URB1: variants seen among roughly 807,000 people sequenced by gnomAD.
URB1 encodes the protein nucleolar pre-ribosomal-associated protein 1.
In URB1, 197 loss-of-function variants were observed where a neutral mutation model predicts 242.3. The ratio of observed to expected loss-of-function variants is 0.81; its 90% CI spans 0.72 to 0.91. URB1 has a LOEUF of 0.91. URB1 is among the 40% of genes least tolerant of loss of function. The pLI is 0.00. For synonymous variants in URB1, 1,153 were observed against 1,201.8 expected (o/e 0.96, Z 0.84); for missense variants, 2,721 against 2,860.5 (o/e 0.95, Z 1.11).
In URB1 at chr21:32,361,910, A is replaced by G; in HGVS notation, c.1621T>C (p.Cys541Arg). The G allele has an allele frequency of 6.4e-7, 1 of 1,551,310 alleles. No individual in the cohort carries two copies. Among genetic ancestry groups the G allele is most frequent in the Non-Finnish European group, 8.7e-7 (1 of 1,146,816 alleles). ...QKRSDGPPAA[C>R]DAHQCDDAET... ...ACCTTACCGCACTGGTGAGCATCGCAGGCAGCCGGGGGCCCATCGCTCCTT... is the reference window on the plus strand; with the variant it reads ...ACCTTACCGCACTGGTGAGCATCGCGGGCAGCCGGGGGCCCATCGCTCCTT... The change falls in exon 12 of 39, where the codon TGC becomes CGC. Residue 541 changes from cysteine (C) to arginine (R), a missense_variant. Coordinates refer to ENST00000382751, the MANE Select transcript of URB1 (RefSeq NM_014825.3).
intron 32 of URB1, among the ~76,000 whole-genome samples, chr21:32,324,069 C>A (rs1436419687): frequency 6.6e-6 from 1 of 152,190 alleles, no homozygotes; most frequent in African/African-American, 2.4e-5. Context: ...ATGGGGAAGT[C>A]CAGGACCGTC....
chr21:32,334,355 A>G (rs2032931674), intron 28 of URB1, 21 bp from the exon 29 acceptor site: 1 of 1,532,364 alleles, frequency 6.5e-7, no homozygotes, highest in Non-Finnish European at 8.8e-7. Flanking sequence ...AAAAGGGAAA[A>G]GAGACTGGTC....
At position 32,312,681 on chromosome 21, in the gene URB1, C is replaced by T. The variant is rs1029869525; in HGVS notation, c.*2237G>A. On this transcript the variant is annotated 3_prime_UTR_variant, in exon 39 of 39. Transcript: ENST00000382751. ...GTCTTCTGGATGTGACTTTATGTGA[C>T]AGTGGATCTGGGACCCTTGAAAGAT... 1 of 157,250 alleles carries T rather than the reference C, an allele frequency of 6.4e-6. No homozygotes were observed. The highest frequency in any genetic ancestry group is 1.4e-5 in the Non-Finnish European group (1 of 70,748). The allele number at this position is 157,250 out of a possible 1,614,324, so 9.7% of individuals were successfully genotyped here.
At chr21:32,392,696 G>C (rs1011525336) in intron 1 of URB1, 73 bp downstream of exon 1, 57 of 1,355,116 alleles carry the variant, frequency 4.2e-5, no homozygotes, top group Non-Finnish European at 5.2e-5. Context: ...AGAAAGGAGA[G>C]GCTGTGCCCG....
At chr21:32,353,279 GGCCATAACAC>G in intron 18 of URB1, among the ~76,000 whole-genome samples, 1 of 152,112 alleles carries the variant, frequency 6.6e-6, no homozygotes, top group Non-Finnish European at 1.5e-5. Context: ...GTCACTTCCA[GGCCATAACAC>G]CCCTTGCTTG....
chr21:32,341,483 G>A lies in URB1; in HGVS notation c.4299C>T (p.Phe1433=), dbSNP rs780518389. 2.9e-5 allele frequency: 45 copies of A among 1,551,370 alleles called. No individual in the cohort carries two copies. Among genetic ancestry groups the A allele is most frequent in the Admixed American group, 1.8e-4 (9 of 50,976 alleles). ...CAACTTACTTGAGTCCCTTCTTCAC[G>A]AATTTCTGCCAGTCACCAGGATCAA... ...NEVDPGDWQK[F]VKKGLKFRYQ... The change falls in exon 25 of 39, where the codon TTC becomes TTT. Residue 1433 remains phenylalanine (F), a synonymous_variant. Transcript: ENST00000382751.
At chr21:32,326,498 T>G (rs187303472) in intron 30 of URB1, among the ~76,000 whole-genome samples, 1 of 152,278 alleles carries the variant, frequency 6.6e-6, no homozygotes, top group Non-Finnish European at 1.5e-5. Flanking sequence ...GAAAAATGCA[T>G]TGGATGGTGA....
In URB1 at chr21:32,352,897, A is replaced by G; in HGVS notation, c.2426T>C (p.Val809Ala). Reference sequence around the variant, plus strand: ...CAGCACTGCCGTCAGATATGTCACAACGTTTTCCGCTGCAAAGGAACGAGA... The same window carrying G: ...CAGCACTGCCGTCAGATATGTCACAGCGTTTTCCGCTGCAAAGGAACGAGA... The part of the protein sequence containing the change: ...LGTGNEAAEN[V>A]VTYLTAVLTD... The change falls in exon 19 of 39, where the codon GTT becomes GCT. Residue 809 changes from valine (V) to alanine (A), a missense_variant. Val to Ala is a moderately conservative substitution (Grantham distance 64, BLOSUM62 0). Transcript: ENST00000382751. 2 of 1,546,552 alleles carry G rather than the reference A, an allele frequency of 1.3e-6. No individual in the cohort carries two copies. The highest frequency in any genetic ancestry group is 2.4e-5 in the East Asian group (1 of 40,850).
Position 32,313,769 on chromosome 21 carries a change from G to A in URB1, c.*1149C>T, listed in dbSNP as rs1038584291. The A allele has an allele frequency of 2.6e-5, 4 of 152,232 alleles. No individual in the cohort carries two copies. The highest frequency in any genetic ancestry group is 9.7e-5 in the African/African-American group (4 of 41,440). 9.4% of individuals were successfully genotyped at this position (152,232 alleles called of 1,614,324 possible). On this transcript the variant is annotated 3_prime_UTR_variant, in exon 39 of 39. Transcript: ENST00000382751. ...GATCCCAAGAGCCCCAGGCATGCAGGAGAGTTTTAAAGGAACAGACGGAAA... is the reference window on the plus strand; with the variant it reads ...GATCCCAAGAGCCCCAGGCATGCAGAAGAGTTTTAAAGGAACAGACGGAAA...
At chr21:32,329,169 G>A (rs776595378) in intron 30 of URB1, among the ~76,000 whole-genome samples, 3 of 152,044 alleles carry the variant, frequency 2.0e-5, no homozygotes, top group Non-Finnish European at 4.4e-5. Context: ...TCAGGAGGCT[G>A]AGGCAGGAGG....
rs1202617474 is a variant in URB1, at chr21:32,361,971, C to CT, written c.1559dup (p.Gln521AlafsTer7). 6.4e-7 allele frequency: 1 copy of CT among 1,551,478 alleles called. No homozygotes were observed. Among genetic ancestry groups the CT allele is most frequent in the Non-Finnish European group, 8.7e-7 (1 of 1,146,914 alleles). On this transcript the variant is annotated frameshift_variant, in exon 12 of 39. Coordinates refer to ENST00000382751, the MANE Select transcript of URB1 (RefSeq NM_014825.3). LOFTEE classifies it high-confidence loss of function. ...TCTTGTCATCCTGTTTGGTCTCTTG[C>CT]TTTTTAAGTGACTGCCAGACCCACA...
In URB1 at chr21:32,363,414, C is replaced by T. The variant is rs1279708150; in HGVS notation, c.1336-85G>A. The T allele has an allele frequency of 8.3e-6, 12 of 1,445,008 alleles. No homozygotes were observed. The East Asian group carries it at 2.7e-4, about 33-fold the overall frequency. The allele number at this position is 1,445,008 out of a possible 1,614,324, so 89.5% of individuals were successfully genotyped here. On this transcript the variant is annotated intron_variant, in intron 10 of 38. Transcript: ENST00000382751. ...ATGGGCTTGGCTGGCATTTGCCCCT[C>T]CTCAGGTCACTCACAGGGAAAGCTG...
intron 32 of URB1, among the ~76,000 whole-genome samples, chr21:32,324,178 A>G (rs1041928341): frequency 6.6e-6 from 1 of 152,168 alleles, no homozygotes; most frequent in African/African-American, 2.4e-5. Context: ...ACAGTTTCCT[A>G]TAACTACAAG....
intron 30 of URB1, among the ~76,000 whole-genome samples, chr21:32,329,593 G>A (rs750808340): frequency 6.6e-6 from 1 of 152,192 alleles, no homozygotes; most frequent in African/African-American, 2.4e-5. Context: ...AACAGCCTTG[G>A]CTGGCCCTGT....
intron 19 of URB1, among the ~76,000 whole-genome samples, chr21:32,351,388 A>G (rs1409757125): frequency 2.0e-5 from 3 of 152,234 alleles, no homozygotes. Flanking sequence ...AAATTTCTGG[A>G]GCCCTTCTGC....
At chr21:32,370,454 T>C (rs1467024406) in intron 8 of URB1, among the ~76,000 whole-genome samples, 1 of 152,188 alleles carries the variant, frequency 6.6e-6, no homozygotes, top group African/African-American at 2.4e-5. Flanking sequence ...CTAAAAATAC[T>C]ACACATGCTT....
Position 32,322,571 on chromosome 21 carries a change from G to T in URB1, c.5247C>A (p.Tyr1749Ter). ...ACAGCAGGAAGTTGCTGACCTTCAG[G>T]TACATGTGCTCCTCTGAGAACACAG... The part of the protein sequence containing the change: ...LQILKPEEHM[Y>*]LKVSNFLLSH... Residue 1749 changes from tyrosine (Y) to a stop codon, truncating the protein, a stop_gained, in exon 33 of 39, where the codon TAC becomes TAA. Coordinates refer to ENST00000382751, the MANE Select transcript of URB1 (RefSeq NM_014825.3). LOFTEE classifies it high-confidence loss of function. The T allele has an allele frequency of 6.4e-7, 1 of 1,551,766 alleles. No homozygotes were observed. Among genetic ancestry groups the T allele is most frequent in the Non-Finnish European group, 8.7e-7 (1 of 1,146,970 alleles).
chr21:32,360,559 C>G (rs1355692658), intron 13 of URB1, among the ~76,000 whole-genome samples: 5 of 152,166 alleles, frequency 3.3e-5, no homozygotes, highest in Non-Finnish European at 5.9e-5. Context: ...GAAACATGAC[C>G]AGACAAGCAT....
At chr21:32,327,333 G>A (rs2032841303) in intron 30 of URB1, among the ~76,000 whole-genome samples, 1 of 152,026 alleles carries the variant, frequency 6.6e-6, no homozygotes, top group South Asian at 2.1e-4. Flanking sequence ...CTTCTTTAAA[G>A]TACTGTAAGA....
Sources: allele counts gnomAD v4.1 joint callset (sites outside exome capture counted in the v4.1 genomes callset), GRCh38; gene constraint gnomAD v4.1.1; transcripts MANE v1.5; gene names NCBI Gene and HGNC (gene_info 2026-07-23, HGNC 2026-07-21).